EFCAB14: variants seen among roughly 807,000 people sequenced by gnomAD.
EFCAB14 encodes the protein EF-hand calcium binding domain 14.
In EFCAB14, 43 loss-of-function variants were observed where a neutral mutation model predicts 56.5. The ratio of observed to expected loss-of-function variants is 0.76; its 90% confidence interval spans 0.60 to 0.98. The LOEUF is 0.98. EFCAB14 is among the 50% of genes least tolerant of loss of function. EFCAB14 has a pLI of 0.00. For synonymous variants in EFCAB14, 235 were observed against 212.9 expected, an observed-to-expected ratio of 1.10 and a Z score of -0.90; for missense variants, 538 against 580.3, an observed-to-expected ratio of 0.93 and a Z score of 0.75.
At chr1:46,701,715 A>G (rs1677161504) in intron 3 of EFCAB14, among the ~76,000 whole-genome samples, 2 of 152,336 alleles carry the variant, frequency 1.3e-5, no homozygotes, top group South Asian at 4.1e-4. Context: ...CTCTATGCCT[A>G]GTGTATCAGC....
chr1:46,691,222 C>T (rs1275010110), intron 5 of EFCAB14, among the ~76,000 whole-genome samples: 2 of 152,132 alleles, frequency 1.3e-5, no homozygotes, highest in Non-Finnish European at 2.9e-5. Context: ...CAAATTATCC[C>T]AAAGCTTTGT....
At position 46,692,046 on chromosome 1, in the gene EFCAB14, A is replaced by G. The variant is rs1569701427; in HGVS notation, c.580-109T>C. ...AATTTGAATGTTTTGACACATAAAC[A>G]ATTGTGAAACCAGTACTACAATCAA... On this transcript the variant is annotated intron_variant, in intron 4 of 10. Transcript: ENST00000371933. The G allele has an allele frequency of 7.9e-6, 6 of 757,342 alleles. No homozygotes were observed. In the East Asian group the frequency reaches 1.4e-4, roughly 18 times the overall value. The allele number at this position is 757,342 out of a possible 1,614,324, so 46.9% of individuals were successfully genotyped here.
At position 46,689,754 on chromosome 1, in the gene EFCAB14, G is replaced by C. The variant is rs996728123; in HGVS notation, c.691-63C>G. 2.1e-6 allele frequency: 3 copies of C among 1,411,616 alleles called. No individual in the cohort carries two copies. The African/African-American group carries it at 4.2e-5, about 20-fold the overall frequency. 87.4% of individuals were successfully genotyped at this position (1,411,616 alleles called of 1,614,324 possible). A position where few individuals can be genotyped will look rare whatever the true frequency, so the allele number is the denominator to read the frequency against. On this transcript the variant is annotated intron_variant, in intron 5 of 10. Transcript: ENST00000371933. ...AATTATTAGGTCTACTTAACTATCT[G>C]AGATTGTCCTAGAACATTCTAGCCT...
intron 2 of EFCAB14, among the ~76,000 whole-genome samples, chr1:46,715,068 T>C (rs757871587): frequency 4.1e-4 from 63 of 152,210 alleles, no homozygotes; most frequent in Non-Finnish European, 8.5e-4. Context: ...TAAATGTTTT[T>C]TTCTTGAAAG....
Position 46,718,245 on chromosome 1 carries a change from G to A in EFCAB14, c.-158C>T. On this transcript the variant is annotated 5_prime_UTR_variant, in exon 1 of 11. Coordinates refer to ENST00000371933, the MANE Select transcript of EFCAB14 (RefSeq NM_014774.3). Reference sequence around the variant, plus strand: ...CCTAGGGGTGGGACTGACCAGATCCGCCAGGGACTGGAGATTGGAGCCCAG... The same window carrying A: ...CCTAGGGGTGGGACTGACCAGATCCACCAGGGACTGGAGATTGGAGCCCAG... 1.6e-6 allele frequency: 1 copy of A among 639,188 alleles called. No individual in the cohort carries two copies. Among genetic ancestry groups the A allele is most frequent in the South Asian group, 2.1e-5 (1 of 47,172 alleles). 39.6% of individuals were successfully genotyped at this position (639,188 alleles called of 1,614,324 possible). A position where few individuals can be genotyped will look rare whatever the true frequency, so the allele number is the denominator to read the frequency against.
Position 46,675,657 on chromosome 1 carries a change from T to G in EFCAB14, c.*2804A>C, listed in dbSNP as rs1347304355. ...CAACAGAAGGGACAATGGCCAGCAG[T>G]AGGTGAAGGGAACCCATTCTTCAGC... On this transcript the variant is annotated 3_prime_UTR_variant, in exon 11 of 11. Transcript: ENST00000371933. 6.6e-6 allele frequency: 1 copy of G among 152,206 alleles called. No homozygotes were observed. Among genetic ancestry groups the G allele is most frequent in the South Asian group, 2.1e-4 (1 of 4,830 alleles). 9.4% of individuals were successfully genotyped at this position (152,206 alleles called of 1,614,324 possible). A position where few individuals can be genotyped will look rare whatever the true frequency, so the allele number is the denominator to read the frequency against.
chr1:46,708,424 T>G (rs972000741), intron 2 of EFCAB14, among the ~76,000 whole-genome samples: 2 of 152,206 alleles, frequency 1.3e-5, no homozygotes, highest in Non-Finnish European at 2.9e-5. Context: ...CTGTTAATAT[T>G]AAGTGAGAGA....
chr1:46,704,680 G>T (rs906588017), intron 3 of EFCAB14, among the ~76,000 whole-genome samples: 3 of 152,102 alleles, frequency 2.0e-5, no homozygotes, highest in African/African-American at 7.2e-5. Context: ...AGCCCGAATG[G>T]ATTTAGACAG....
chr1:46,707,269 A>G (rs1677246407), intron 3 of EFCAB14, among the ~76,000 whole-genome samples: 1 of 152,244 alleles, frequency 6.6e-6, no homozygotes, highest in Non-Finnish European at 1.5e-5. Context: ...GGATGGGGCT[A>G]TAGTTACCCT....
chr1:46,709,680 A>C (rs549257181), intron 2 of EFCAB14, among the ~76,000 whole-genome samples: 19 of 150,738 alleles, frequency 1.3e-4, no homozygotes, highest in African/African-American at 4.7e-4. Context: ...TAAGTTAAAC[A>C]AAAAAAACCC....
At chr1:46,715,928 A>G (rs769493399) in intron 2 of EFCAB14, among the ~76,000 whole-genome samples, 4 of 152,122 alleles carry the variant, frequency 2.6e-5, no homozygotes, top group Non-Finnish European at 5.9e-5. Flanking sequence ...CAGAACCTGG[A>G]AAGGAGTCCA....
Position 46,678,552 on chromosome 1 carries a change from G to A in EFCAB14, c.1397C>T (p.Ala466Val). 1.2e-6 allele frequency: 2 copies of A among 1,614,014 alleles called. No individual in the cohort carries two copies. The highest frequency in any genetic ancestry group is 1.7e-6 in the Non-Finnish European group (2 of 1,179,946). Residue 466 changes from alanine (A) to valine (V), a missense_variant, in exon 11 of 11, where the codon GCT (alanine) becomes GTT (valine). Ala to Val is a moderately conservative substitution (Grantham distance 64). Transcript: ENST00000371933. ...TCTCAAGCTCTCTGGTTCTGGCATA[G>A]CAGAACCTAGGGAGGTCCAGATTTC... ...YQEIWTSLGSAMPEPESLRAF... is the reference protein window; with the variant it reads ...YQEIWTSLGSVMPEPESLRAF...
At chr1:46,680,222 G>C (rs1315032661) in intron 10 of EFCAB14, among the ~76,000 whole-genome samples, 1 of 152,086 alleles carries the variant, frequency 6.6e-6, no homozygotes, top group Non-Finnish European at 1.5e-5. Context: ...TATACTCAAG[G>C]CAAATGAAAA....
At position 46,676,567 on chromosome 1, in the gene EFCAB14, A is replaced by G. The variant is rs1310461535; in HGVS notation, c.*1894T>C. 6.5e-6 allele frequency: 1 copy of G among 152,672 alleles called. No homozygotes were observed. Among genetic ancestry groups the G allele is most frequent in the Non-Finnish European group, 1.5e-5 (1 of 68,054 alleles). The allele number at this position is 152,672 out of a possible 1,614,324, so 9.5% of individuals were successfully genotyped here. On this transcript the variant is annotated 3_prime_UTR_variant, in exon 11 of 11. Transcript: ENST00000371933. ...CAGTATATACAAATATAGCAGTATA[A>G]TTCAATTTATTGCTAGAATTTTATT... is the stretch of plus-strand genomic sequence containing the variant.
intron 1 of EFCAB14, among the ~76,000 whole-genome samples, chr1:46,716,841 G>A (rs1416864051): frequency 6.6e-6 from 1 of 152,208 alleles, no homozygotes; most frequent in Admixed American, 6.5e-5. Context: ...TCACTCCGGG[G>A]AACCTTGCTC....
Position 46,684,564 on chromosome 1 carries a change from T to C in EFCAB14, c.1113A>G (p.Arg371=), listed in dbSNP as rs753105504. 5.6e-6 allele frequency: 9 copies of C among 1,614,006 alleles called. No individual in the cohort carries two copies. Among genetic ancestry groups the C allele is most frequent in the Non-Finnish European group, 6.8e-6 (8 of 1,180,008 alleles). The change falls in exon 9 of 11, where the codon AGA becomes AGG. Residue 371 remains arginine (R), a synonymous_variant. Transcript: ENST00000371933. ...GAGCACTGATCAGCTGGAGTTTCTC[T>C]CTTAGCTTGGATACCTGAGAATTTG... The part of the protein sequence containing the change: ...DSSNSQVSKL[R]EKLQLISALT...
chr1:46,697,852 CTCT>C (rs1428295980), intron 3 of EFCAB14, among the ~76,000 whole-genome samples: 16 of 117,656 alleles, frequency 1.4e-4, no homozygotes, highest in East Asian at 1.8e-3. Flanking sequence ...TTCTCTCTCT[CTCT>C]TTTTTTTTTT....
intron 4 of EFCAB14, among the ~76,000 whole-genome samples, chr1:46,695,648 T>C (rs1227803733): frequency 1.3e-5 from 2 of 152,150 alleles, no homozygotes; most frequent in South Asian, 2.1e-4. Flanking sequence ...GGGATGATGT[T>C]CTTTATGTTC....
Position 46,696,537 on chromosome 1 carries a change from C to T in EFCAB14, c.579+14G>A, listed in dbSNP as rs955377911. 1.2e-6 allele frequency: 2 copies of T among 1,611,764 alleles called. No individual in the cohort carries two copies. The highest frequency in any genetic ancestry group is 2.2e-5 in the East Asian group (1 of 44,852). On this transcript the variant is annotated intron_variant, in intron 4 of 10. Transcript: ENST00000371933. Reference sequence around the variant, plus strand: ...CTACCTTCTGAAGTCTCTGTACCCACACATGGCACCTACCTTCTGAAGTCC... The same window carrying T: ...CTACCTTCTGAAGTCTCTGTACCCATACATGGCACCTACCTTCTGAAGTCC...
Sources: gnomAD v4.1 joint callset for allele counts (sites outside exome capture counted in the v4.1 genomes callset) on GRCh38, gnomAD v4.1.1 for gene constraint, MANE v1.5 for transcripts, NCBI Gene and HGNC (gene_info 2026-07-23, HGNC 2026-07-21) for gene names.